The following PHLDB2 variants were observed in gnomAD, a reference collection of about 807,000 sequenced individuals.
PHLDB2 encodes the protein pleckstrin homology-like domain family B member 2.
Under a neutral mutation model 123.6 loss-of-function variants are expected in PHLDB2, and 71 were observed. That is an observed-to-expected ratio of 0.57 (90% CI 0.47 to 0.70). The LOEUF (loss-of-function observed/expected upper bound fraction) is 0.70, where lower values mean the gene tolerates loss of function less well. PHLDB2 is among the 30% of genes least tolerant of loss of function. The pLI is 0.00. For synonymous variants in PHLDB2, 547 were observed against 541.6 expected, an observed-to-expected ratio of 1.01 and a Z score of -0.14; for missense variants, 1,446 against 1,519.5, an observed-to-expected ratio of 0.95 and a Z score of 0.80.
At chr3:111,882,896 G>C (rs1325739056) in intron 1 of PHLDB2, among the ~76,000 whole-genome samples, 1 of 152,156 alleles carries the variant, frequency 6.6e-6, no homozygotes, top group East Asian at 1.9e-4. Flanking sequence ...CTAGAGGGGT[G>C]GAAGATAAAA....
rs113530733 is a variant in PHLDB2, at chr3:111,852,783, T to C, written c.67+6848T>C. ...ACACACACACACACACACACACACATACACACACACCATCCTTTTCCTGCC... is the reference window on the plus strand; with the variant it reads ...ACACACACACACACACACACACACACACACACACACCATCCTTTTCCTGCC... On this transcript the variant is annotated intron_variant, in intron 2 of 17. Transcript: ENST00000393923. Among the ~76,000 whole-genome samples, 148 of 123,586 alleles carry C rather than the reference T, an allele frequency of 1.2e-3. No individual in the cohort carries two copies. In the South Asian group the frequency reaches 0.037, roughly 31 times the overall value. The allele number at this position is 123,586 out of a possible 152,430, so 81.1% of individuals were successfully genotyped here.
intron 1 of PHLDB2, among the ~76,000 whole-genome samples, chr3:111,758,002 T>A (rs1054821990): frequency 6.6e-6 from 1 of 152,146 alleles, no homozygotes; most frequent in African/African-American, 2.4e-5. Flanking sequence ...GAGGTGTCAG[T>A]CTGCCCCTAC....
In PHLDB2 at chr3:111,903,652, G is replaced by C. The variant is rs116514202; in HGVS notation, c.1336-9667G>C. On this transcript the variant is annotated intron_variant, in intron 2 of 17. Coordinates refer to ENST00000431670, the MANE Select transcript of PHLDB2 (RefSeq NM_001134438.2). ...AGAGATGGTTCTTCAGAGTCTACAA[G>C]ATAATTATCTAGTTCACTTCACGCT... 7.2e-3 allele frequency among the ~76,000 whole-genome samples: 1,097 copies of C among 152,300 alleles called. 15 individuals carry two copies. Among genetic ancestry groups the C allele is most frequent in the African/African-American group, 0.025 (1,027 of 41,560 alleles).
intron 6 of PHLDB2, among the ~76,000 whole-genome samples, chr3:111,938,277 C>G (rs2069628046): frequency 6.6e-6 from 1 of 152,034 alleles, no homozygotes; most frequent in Non-Finnish European, 1.5e-5. Context: ...TCCTTCTGCC[C>G]CTGCACATGC....
At chr3:111,758,453 C>T (rs542408458) in intron 1 of PHLDB2, among the ~76,000 whole-genome samples, 113 of 152,248 alleles carry the variant, frequency 7.4e-4, no homozygotes, top group African/African-American at 9.6e-4. Context: ...TTAAGCTCGT[C>T]GGAAAAGCGC....
intron 1 of PHLDB2, among the ~76,000 whole-genome samples, chr3:111,804,910 T>G (rs1035231475): frequency 2.0e-5 from 3 of 152,108 alleles, no homozygotes; most frequent in African/African-American, 4.8e-5. Flanking sequence ...TAGAACAATA[T>G]CAAGTTTTTG....
At chr3:111,876,529 AAAG>A (rs1427466773) in intron 1 of PHLDB2, among the ~76,000 whole-genome samples, 1 of 152,212 alleles carries the variant, frequency 6.6e-6, no homozygotes, top group Non-Finnish European at 1.5e-5. Flanking sequence ...AATTTAGAGA[AAAG>A]AGGTTATTAA....
At position 111,765,593 on chromosome 3, in the gene PHLDB2, C is replaced by G. The variant is rs549598647; in HGVS notation, c.-49+32890C>G. Among the ~76,000 whole-genome samples, 4 of 152,296 alleles carry G rather than the reference C, an allele frequency of 2.6e-5. No homozygotes were observed. The South Asian group carries it at 8.3e-4, about 32-fold the overall frequency. ...AGAGAGAAATGTATTCAGGTCAGAG[C>G]AAGTGGCATTTTTAACTCCATTACA... On this transcript the variant is annotated intron_variant, in intron 1 of 17. Transcript: ENST00000393923.
chr3:111,912,762 A>G (rs2067962811), intron 2 of PHLDB2, among the ~76,000 whole-genome samples: 1 of 152,226 alleles, frequency 6.6e-6, no homozygotes, highest in Admixed American at 6.5e-5. Context: ...AAAGCTAGAT[A>G]TTGTTGAAGG....
In PHLDB2 at chr3:111,870,294, G is replaced by T. The variant is rs11929116; in HGVS notation, c.-15+10718G>T. Among the ~76,000 whole-genome samples, 1,440 of 152,232 alleles carry T rather than the reference G, an allele frequency of 9.5e-3. 28 individuals carry two copies. Among genetic ancestry groups the T allele is most frequent in the African/African-American group, 0.032 (1,344 of 41,518 alleles). ...TGTTTGCAGATGAGTTTGGGGATAT[G>T]TGGACAGGTGAGGGTTGTTTGCAGA... is the stretch of plus-strand genomic sequence containing the variant. On this transcript the variant is annotated intron_variant, in intron 1 of 17. Coordinates refer to ENST00000431670, the MANE Select transcript of PHLDB2 (RefSeq NM_001134438.2).
intron 12 of PHLDB2, 141 bp downstream of exon 12, chr3:111,954,170 C>A (rs750044998): frequency 2.0e-5 from 13 of 647,132 alleles, no homozygotes; most frequent in Non-Finnish European, 3.1e-5. Flanking sequence ...TGTTCTCTTT[C>A]GGGAGGGATA....
At chr3:111,964,826 TG>T (rs2071645589) in intron 13 of PHLDB2, among the ~76,000 whole-genome samples, 2 of 152,134 alleles carry the variant, frequency 1.3e-5, no homozygotes, top group South Asian at 4.2e-4. Context: ...ATTGACTATA[TG>T]AAAAAAAGGG....
At chr3:111,827,238 G>A (rs944832250) in intron 1 of PHLDB2, among the ~76,000 whole-genome samples, 7 of 152,150 alleles carry the variant, frequency 4.6e-5, no homozygotes, top group Non-Finnish European at 8.8e-5. Context: ...CCAGCTGTCT[G>A]TTGCCTACCA....
intron 5 of PHLDB2, among the ~76,000 whole-genome samples, chr3:111,921,614 T>G (rs1221916743): frequency 6.6e-6 from 1 of 151,010 alleles, no homozygotes; most frequent in Non-Finnish European, 1.5e-5. Flanking sequence ...CTTTTTTTTT[T>G]TTTTTTTGAA....
At chr3:111,805,518 G>A (rs2061544466) in intron 1 of PHLDB2, among the ~76,000 whole-genome samples, 2 of 149,844 alleles carry the variant, frequency 1.3e-5, no homozygotes, top group South Asian at 4.4e-4. Flanking sequence ...CCGAGATTGC[G>A]CCGCTGCACT....
At chr3:111,943,261 A>G (rs1276938008) in intron 8 of PHLDB2, among the ~76,000 whole-genome samples, 1 of 152,146 alleles carries the variant, frequency 6.6e-6, no homozygotes, top group Non-Finnish European at 1.5e-5. Context: ...CTGTCTTTTG[A>G]TTTTTGACAA....
intron 1 of PHLDB2, among the ~76,000 whole-genome samples, chr3:111,793,419 T>A (rs941866003): frequency 1.3e-5 from 2 of 152,004 alleles, no homozygotes; most frequent in African/African-American, 4.8e-5. Context: ...TCTGGGTCTC[T>A]CCCTTCAGGG....
rs1334730465 is a variant in PHLDB2 at position 111,974,573 on chromosome 3, G to A, written c.*10G>A. 6.2e-7 allele frequency: 1 copy of A among 1,606,730 alleles called. No individual in the cohort carries two copies. The highest frequency in any genetic ancestry group is 1.1e-5 in the South Asian group (1 of 89,562). ...TCACTTCTTGTTGTAGTGAACTGAG[G>A]CAACAGTCCACTTCAGGGCAGACGG... is the stretch of plus-strand genomic sequence containing the variant. On this transcript the variant is annotated 3_prime_UTR_variant, in exon 18 of 18. Transcript: ENST00000431670.
At chr3:111,971,206 G>T (rs2072153962) in intron 16 of PHLDB2, among the ~76,000 whole-genome samples, 1 of 152,196 alleles carries the variant, frequency 6.6e-6, no homozygotes, top group South Asian at 2.1e-4. Flanking sequence ...ATGTGGTATT[G>T]TCTTCAGAAA....
Sources: allele counts gnomAD v4.1 joint callset (sites outside exome capture counted in the v4.1 genomes callset), GRCh38; gene constraint gnomAD v4.1.1; transcripts MANE v1.5; gene names NCBI Gene and HGNC (gene_info 2026-07-23, HGNC 2026-07-21).